STON2: variants seen among roughly 807,000 people sequenced by gnomAD.
STON2 encodes stonin 2, also known as stonin-2.
A neutral mutation model predicts 65.7 loss-of-function variants in STON2; 29 were observed. That is an observed-to-expected ratio of 0.44 (90% CI 0.33 to 0.60). STON2 has a LOEUF of 0.60. Ranked by LOEUF, STON2 falls within the 20% of genes least tolerant of loss-of-function variation. STON2 has a pLI of 0.03. For missense variants in STON2, 1,054 were observed against 1,118.1 expected, an observed-to-expected ratio of 0.94 and a Z score of 0.82; for synonymous variants, 404 against 414.2, an observed-to-expected ratio of 0.98 and a Z score of 0.30.
chr14:81,286,603 AT>A (rs1164274640), intron 5 of STON2, among the ~76,000 whole-genome samples: 2 of 152,252 alleles, frequency 1.3e-5, no homozygotes, highest in African/African-American at 4.8e-5. Flanking sequence ...ACAAAAAAAT[AT>A]GTGTGACTTG....
intron 4 of STON2, among the ~76,000 whole-genome samples, chr14:81,340,084 A>G (rs532919387): frequency 3.3e-5 from 5 of 152,264 alleles, no homozygotes; most frequent in Admixed American, 6.5e-5. Context: ...AACCCGGGGG[A>G]TGGAGCCTGC....
chr14:81,324,635 C>G (rs1351457219), intron 4 of STON2, among the ~76,000 whole-genome samples: 1 of 152,210 alleles, frequency 6.6e-6, no homozygotes, highest in African/African-American at 2.4e-5. Flanking sequence ...CACTTTTAGG[C>G]TGAATTTTAG....
At chr14:81,373,279 G>A (rs981039625) in intron 3 of STON2, among the ~76,000 whole-genome samples, 1 of 151,822 alleles carries the variant, frequency 6.6e-6, no homozygotes, top group African/African-American at 2.4e-5. Flanking sequence ...ACTAAATACA[G>A]AATATTAAAA....
At chr14:81,414,195 T>G (rs1901308136) in intron 2 of STON2, among the ~76,000 whole-genome samples, 2 of 100,874 alleles carry the variant, frequency 2.0e-5, no homozygotes, top group African/African-American at 5.6e-5. Context: ...AGTAAGCATT[T>G]CTTTTTAAAT....
intron 6 of STON2, among the ~76,000 whole-genome samples, chr14:81,271,619 T>G (rs1318292209): frequency 1.3e-5 from 2 of 152,236 alleles, no homozygotes; most frequent in Non-Finnish European, 2.9e-5. Context: ...CACAGTCCCT[T>G]GCTGCTCCTT....
rs771158660 is a variant in STON2, at chr14:81,277,941, C to T, written c.1541G>A (p.Gly514Asp). ...CTGCTCATAATACAGCTGCAGGTAA[C>T]CAGTGTCTGTCAGTTTGACGAAGAT... ...GPIFVKLTDT[G>D]YLQLYYEQGL... The change falls in exon 6 of 8, where the codon GGT becomes GAT. Residue 514 changes from glycine to aspartate, a missense_variant. Coordinates refer to ENST00000614646, the MANE Select transcript of STON2 (RefSeq NM_001394390.1). 49 of 1,614,026 alleles carry T rather than the reference C, an allele frequency of 3.0e-5. No individual in the cohort carries two copies. The Admixed American group carries it at 5.8e-4, about 19-fold the overall frequency.
At chr14:81,381,247 A>C (rs991024549) in intron 3 of STON2, among the ~76,000 whole-genome samples, 1 of 152,214 alleles carries the variant, frequency 6.6e-6, no homozygotes, top group African/African-American at 2.4e-5. Context: ...TTTAGAAGAC[A>C]ATATAGCCAA....
At chr14:81,311,042 G>C (rs1345260608) in intron 5 of STON2, among the ~76,000 whole-genome samples, 1 of 152,192 alleles carries the variant, frequency 6.6e-6, no homozygotes, top group African/African-American at 2.4e-5. Context: ...GGGTAGGTTT[G>C]AGCTAGGATT....
intron 3 of STON2, among the ~76,000 whole-genome samples, chr14:81,379,396 G>C (rs947335650): frequency 5.9e-5 from 9 of 152,128 alleles, no homozygotes; most frequent in Non-Finnish European, 1.0e-4. Context: ...AATGGAGAAA[G>C]ATATATATGG....
At position 81,427,587 on chromosome 14, in the gene STON2, GC is replaced by G. The variant is rs757365065; in HGVS notation, c.-309-376del. ...AGCTGGCTGTGTTGCAGACAGCACA[GC>G]CCCGCCTATGCCAATTAGGTTGATG... is the stretch of plus-strand genomic sequence containing the variant. On this transcript the variant is annotated intron_variant, in intron 1 of 8. Coordinates refer to the STON2 transcript ENST00000553821. Among the ~76,000 whole-genome samples, 8 of 152,226 alleles carry G rather than the reference GC, an allele frequency of 5.3e-5. No homozygotes were observed. The East Asian group carries it at 1.5e-3, about 29-fold the overall frequency.
chr14:81,282,384 T>C (rs1895158432), intron 5 of STON2, among the ~76,000 whole-genome samples: 2 of 152,206 alleles, frequency 1.3e-5, no homozygotes, highest in African/African-American at 4.8e-5. Context: ...TTTAGATATG[T>C]GATTCTAGGC....
At position 81,413,340 on chromosome 14, in the gene STON2, A is replaced by G. The variant is rs542916313; in HGVS notation, c.-199+13762T>C. On this transcript the variant is annotated intron_variant, in intron 2 of 8. Coordinates refer to the STON2 transcript ENST00000553821. ...TGAAATTTTCAGCCTTGCTAAGGGA[A>G]CACCTCGATGTTCGAACCTTTATTG... The G allele has an allele frequency of 3.4e-5, 32 of 953,284 alleles. 7 individuals are homozygous for G. The African/African-American group carries it at 6.5e-4, about 19-fold the overall frequency. The allele number at this position is 953,284 out of a possible 1,614,324, so 59.1% of individuals were successfully genotyped here.
rs1900443558 is a variant in STON2, at chr14:81,398,486, G to T, written c.-104C>A. 1.2e-6 allele frequency: 1 copy of T among 825,544 alleles called. No homozygotes were observed. The highest frequency in any genetic ancestry group is 1.6e-5 in the South Asian group (1 of 64,200). The allele number at this position is 825,544 out of a possible 1,614,324, so 51.1% of individuals were successfully genotyped here. On this transcript the variant is annotated 5_prime_UTR_variant, in exon 2 of 8. Transcript: ENST00000614646. ...GGGTATGGTAGTACGGTAGACTTGG[G>T]TCCAGGGTCTGTTCTAGGTGTCTTG...
Position 81,263,852 on chromosome 14 carries a change from T to C in STON2, c.*4562A>G. The C allele has an allele frequency of 1.0e-6, 1 of 985,470 alleles. No individual in the cohort carries two copies. Among genetic ancestry groups the C allele is most frequent in the Non-Finnish European group, 1.2e-6 (1 of 829,934 alleles). 61.0% of individuals were successfully genotyped at this position (985,470 alleles called of 1,614,324 possible). A position where few individuals can be genotyped will look rare whatever the true frequency, so the allele number is the denominator to read the frequency against. The stretch of plus-strand genomic sequence containing the variant: ...AAGGCTTTTAAGAAAAAACTTCAGC[T>C]CATTCTGTTTTCCCACCACTAAACT... On this transcript the variant is annotated 3_prime_UTR_variant, in exon 8 of 8. Coordinates refer to ENST00000614646, the MANE Select transcript of STON2 (RefSeq NM_001394390.1).
intron 3 of STON2, among the ~76,000 whole-genome samples, chr14:81,380,268 G>A (rs1055132287): frequency 6.6e-6 from 1 of 152,180 alleles, no homozygotes; most frequent in African/African-American, 2.4e-5. Context: ...TTAGGGGAAT[G>A]CAAATCAAAA....
intron 4 of STON2, among the ~76,000 whole-genome samples, chr14:81,356,336 C>T (rs1250498440): frequency 6.6e-6 from 1 of 152,186 alleles, no homozygotes; most frequent in Non-Finnish European, 1.5e-5. Context: ...ATTGAACTAG[C>T]CTTGCATCCC....
intron 1 of STON2, among the ~76,000 whole-genome samples, chr14:81,434,749 T>G (rs1386398317): frequency 6.6e-6 from 1 of 152,158 alleles, no homozygotes; most frequent in Non-Finnish European, 1.5e-5. Flanking sequence ...CCGCTACATG[T>G]CGATATTTTA....
chr14:81,403,210 G>A (rs1434840533), upstream of STON2, among the ~76,000 whole-genome samples: 1 of 151,992 alleles, frequency 6.6e-6, no homozygotes, highest in African/African-American at 2.4e-5. Flanking sequence ...TACTATATTT[G>A]GGATACATTT....
At chr14:81,410,572 G>C (rs1901107248) in intron 2 of STON2, among the ~76,000 whole-genome samples, 2 of 152,144 alleles carry the variant, frequency 1.3e-5, no homozygotes, top group Admixed American at 6.5e-5. Context: ...AGGGGACCCT[G>C]AGCTCCAGTG....
Sources: allele counts gnomAD v4.1 joint callset (sites outside exome capture counted in the v4.1 genomes callset), GRCh38; gene constraint gnomAD v4.1.1; transcripts MANE v1.5; gene names NCBI Gene and HGNC (gene_info 2026-07-23, HGNC 2026-07-21).